Variants in COL2A1 observed in about 807,000 individuals in gnomAD.
The protein encoded by COL2A1 is collagen type II alpha 1 chain.
Under a neutral mutation model 204.5 loss-of-function variants are expected in COL2A1, and 28 were observed. That is an observed-to-expected ratio of 0.14 (90% CI 0.10 to 0.19). COL2A1 has a LOEUF of 0.19. Among genes scored for constraint, COL2A1 ranks in the 10% least tolerant of loss-of-function variants. COL2A1 has a pLI of 1.00. For synonymous variants in COL2A1, 708 were observed against 718.7 expected (o/e 0.99, Z 0.24); for missense variants, 1,388 against 2,027.5 (o/e 0.68, Z 6.06).
At chr12:47,997,560 A>G in intron 7 of COL2A1, 46 bp downstream of exon 7, 2 of 1,613,652 alleles carry the variant, frequency 1.2e-6, no homozygotes, top group Non-Finnish European at 8.5e-7. Flanking sequence ...TAAAAGCCAC[A>G]TTTCTGGAGG....
At position 47,994,462 on chromosome 12, in the gene COL2A1, G is replaced by A. The variant is rs1470645150; in HGVS notation, c.778C>T (p.Pro260Ser). ...KPGDDGEAGK[P>S]GKAGERGPPG... ...GGACCCCTTTCACCAGCTTTTCCAG[G>A]TTTTCCAGCTTCACCCTGAAGGGAG... Residue 260 changes from proline (P) to serine (S), a missense_variant, in exon 12 of 54, where the codon CCT becomes TCT. Physicochemically the swap from Pro to Ser is moderately conservative, Grantham distance 74. Transcript: ENST00000380518. 7 of 1,613,900 alleles carry A rather than the reference G, an allele frequency of 4.3e-6. No homozygotes were observed.
rs776365099 is a variant in COL2A1 at position 48,004,335 on chromosome 12, G to T, written c.-14C>A. 11 of 1,512,106 alleles carry T rather than the reference G, an allele frequency of 7.3e-6. No individual in the cohort carries two copies. The South Asian group carries it at 8.4e-5, about 12-fold the overall frequency. The allele number at this position is 1,512,106 out of a possible 1,614,324, so 93.7% of individuals were successfully genotyped here. A position where few individuals can be genotyped will look rare whatever the true frequency, so the allele number is the denominator to read the frequency against. ...GAGGCGAATCATGGCTCACCGCGGGGCCTGGCTGAGCCGGGCCCGGGCGGA... is the reference window on the plus strand; with the variant it reads ...GAGGCGAATCATGGCTCACCGCGGGTCCTGGCTGAGCCGGGCCCGGGCGGA... On this transcript the variant is annotated 5_prime_UTR_variant, in exon 1 of 54. Coordinates refer to ENST00000380518, the MANE Select transcript of COL2A1 (RefSeq NM_001844.5).
At chr12:47,983,646 C>T (rs1367425702) in intron 30 of COL2A1, 37 bp downstream of exon 30, 1 of 1,580,620 alleles carries the variant, frequency 6.3e-7, no homozygotes, top group Non-Finnish European at 8.6e-7. Flanking sequence ...CTGGGTATGG[C>T]AAAGGACTGC....
At chr12:47,975,891 G>C (rs879490703) in intron 50 of COL2A1, 72 bp downstream of exon 50, 13 of 1,183,374 alleles carry the variant, frequency 1.1e-5, no homozygotes, top group Non-Finnish European at 1.7e-5. Context: ...AAGAGGCCCT[G>C]AGCAAAAAAG....
At chr12:48,001,357 C>T (rs1940223066) in intron 1 of COL2A1, among the ~76,000 whole-genome samples, 1 of 152,376 alleles carries the variant, frequency 6.6e-6, no homozygotes, top group African/African-American at 2.4e-5. Flanking sequence ...ATCCGCCTAG[C>T]CTTTGGGCAA....
intron 12 of COL2A1, 138 bp from the exon 13 acceptor site, chr12:47,994,185 G>T: frequency 1.8e-6 from 2 of 1,112,136 alleles, no homozygotes; most frequent in Non-Finnish European, 2.7e-6. Flanking sequence ...AGCTCTTTCT[G>T]TAAAACCCAG....
intron 34 of COL2A1, 70 bp from the exon 35 acceptor site, chr12:47,982,230 C>T (rs1026889933): frequency 7.1e-7 from 1 of 1,403,140 alleles, no homozygotes; most frequent in Non-Finnish European, 1.0e-6. Context: ...CAGTCCCACC[C>T]AGGCTGGGGT....
intron 7 of COL2A1, 119 bp from the exon 8 acceptor site, chr12:47,996,744 C>T (rs1939983906): frequency 1.2e-5 from 10 of 854,660 alleles, no homozygotes; most frequent in Middle Eastern, 2.2e-4. Flanking sequence ...TTGTTGGAGA[C>T]TAACCTATCA....
chr12:47,976,459 A>G lies in COL2A1; in HGVS notation c.3489+55T>C. ...GCAGCATTTCCCTCCCCATGGGAAC[A>G]CAGGCCCACACTCTCTGAAGGGCCC... On this transcript the variant is annotated intron_variant, in intron 49 of 53. Transcript: ENST00000380518. The surrounding 1 kb of genome is among the most constrained non-coding windows in gnomAD (Gnocchi z 4.3). The G allele has an allele frequency of 6.3e-7, 1 of 1,578,000 alleles. No individual in the cohort carries two copies.
intron 47 of COL2A1, 27 bp downstream of exon 47, chr12:47,977,075 C>G (rs1399352791): frequency 3.8e-6 from 6 of 1,596,606 alleles, no homozygotes; most frequent in South Asian, 1.1e-5. Flanking sequence ...CTGGTGGGGA[C>G]TCAGTGCAGG....
intron 1 of COL2A1, among the ~76,000 whole-genome samples, 183 bp from the exon 2 acceptor site, chr12:48,000,308 A>G (rs533650657): frequency 6.6e-6 from 1 of 152,232 alleles, no homozygotes. Context: ...TGATTTTTCC[A>G]TGTATTCAAC....
rs922218122 is a variant in COL2A1 at position 47,987,242 on chromosome 12, G to T, written c.1266+27C>A. Reference sequence around the variant, plus strand: ...AGAGGCAGGACTGGGCTCTCCTGGGGTAGCAAAGTCCACGGGCAACACTCA... The same window carrying T: ...AGAGGCAGGACTGGGCTCTCCTGGGTTAGCAAAGTCCACGGGCAACACTCA... On this transcript the variant is annotated intron_variant, in intron 20 of 53. Coordinates refer to ENST00000380518, the MANE Select transcript of COL2A1 (RefSeq NM_001844.5). This position sits in a 1 kb window ranked among gnomAD's most constrained non-coding sequence, Gnocchi z 4.1. The T allele has an allele frequency of 1.9e-6, 3 of 1,613,896 alleles. No individual in the cohort carries two copies. Among genetic ancestry groups the T allele is most frequent in the African/African-American group, 2.7e-5 (2 of 74,994 alleles).
rs1041748968 is a variant in COL2A1, at chr12:47,978,101, T to G, written c.3020A>C (p.Gln1007Pro). 6.2e-7 allele frequency: 1 copy of G among 1,613,404 alleles called. No homozygotes were observed. Among genetic ancestry groups the G allele is most frequent in the African/African-American group, 1.3e-5 (1 of 74,924 alleles). The change falls in exon 44 of 54, where the codon CAG (glutamine) becomes CCG (proline). Residue 1007 changes from glutamine (Q) to proline (P), a missense_variant. Transcript: ENST00000380518. This position sits in a 1 kb window ranked among gnomAD's most constrained non-coding sequence, Gnocchi z 5.5. ...GTCTCCAGATGCTCCAGGAGCACCC[T>G]GCTTGCCGGGCTCACCCTGGAGGGA... The part of the protein sequence containing the change: ...LPGPSGEPGK[Q>P]GAPGASGDRG...
At chr12:47,981,322 C>T in intron 37 of COL2A1, 21 bp downstream of exon 37, 4 of 1,611,270 alleles carry the variant, frequency 2.5e-6, no homozygotes, top group Non-Finnish European at 3.4e-6. Context: ...CAGAGCCAGG[C>T]TCAGAGGGGC....
chr12:47,983,558 A>C, intron 30 of COL2A1, 120 bp from the exon 31 acceptor site: 4 of 1,435,568 alleles, frequency 2.8e-6, no homozygotes, highest in Non-Finnish European at 3.9e-6. Context: ...CCAGGGGTGC[A>C]GGGAAGGCTC....
At chr12:47,993,661 G>A (rs1939811230) in intron 14 of COL2A1, 148 bp downstream of exon 14, 5 of 1,088,330 alleles carry the variant, frequency 4.6e-6, no homozygotes, top group African/African-American at 1.6e-5. Flanking sequence ...GCCTGCTGTT[G>A]GCCCATCAGG....
chr12:47,975,139 A>T (rs1469752311), intron 51 of COL2A1, among the ~76,000 whole-genome samples, 178 bp downstream of exon 51: 1 of 152,182 alleles, frequency 6.6e-6, no homozygotes, highest in Non-Finnish European at 1.5e-5. Flanking sequence ...CCAGGTAGCC[A>T]TGGCAGGACA....
In COL2A1 at chr12:47,987,216, G is replaced by A. The variant is rs919549822; in HGVS notation, c.1267-40C>T. On this transcript the variant is annotated intron_variant, in intron 20 of 53. Coordinates refer to ENST00000380518, the MANE Select transcript of COL2A1 (RefSeq NM_001844.5). This position sits in a 1 kb window ranked among gnomAD's most constrained non-coding sequence, Gnocchi z 4.1. ...AGAAGGGAGGGGTGTCAGGAGAGGG[G>A]AGAGGCAGGACTGGGCTCTCCTGGG... 5.0e-6 allele frequency: 8 copies of A among 1,612,956 alleles called. No individual in the cohort carries two copies. The highest frequency in any genetic ancestry group is 6.8e-6 in the Non-Finnish European group (8 of 1,178,914).
intron 3 of COL2A1, 57 bp from the exon 4 acceptor site, chr12:47,998,258 T>C (rs1940059786): frequency 1.9e-6 from 3 of 1,611,390 alleles, no homozygotes; most frequent in Admixed American, 1.7e-5. Flanking sequence ...GCCCCTAGTC[T>C]AAAACCCTGC....
Sources: gnomAD v4.1 joint callset for allele counts (sites outside exome capture counted in the v4.1 genomes callset) on GRCh38, gnomAD v4.1.1 for gene constraint, Gnocchi (gnomAD v3.1) non-coding constraint, MANE v1.5 for transcripts, NCBI Gene and HGNC (gene_info 2026-07-23, HGNC 2026-07-21) for gene names.